The following SUFU variants were observed in gnomAD, a reference collection of about 807,000 sequenced individuals.
SUFU encodes the protein suppressor of fused homolog.
A neutral mutation model predicts 58.9 loss-of-function variants in SUFU; 7 were observed. That is an observed-to-expected ratio of 0.12 (90% CI 0.07 to 0.22). The LOEUF is 0.22. Among genes scored for constraint, SUFU ranks in the 10% least tolerant of loss-of-function variants. The pLI is 1.00. For missense variants in SUFU, 451 were observed against 641.3 expected (o/e 0.70, Z 3.20); for synonymous variants, 232 against 254.8 (o/e 0.91, Z 0.85).
At chr10:102,609,553 A>G (rs757185982) in intron 8 of SUFU, among the ~76,000 whole-genome samples, 40 of 152,390 alleles carry the variant, frequency 2.6e-4, no homozygotes, top group Non-Finnish European at 4.7e-4. Flanking sequence ...GAGCAAGAAG[A>G]AGAAAACCTA....
chr10:102,559,986 G>A (rs1163589833), intron 3 of SUFU, among the ~76,000 whole-genome samples: 4 of 152,158 alleles, frequency 2.6e-5, no homozygotes, highest in African/African-American at 4.8e-5. Flanking sequence ...TCTGAGTGCT[G>A]GGATGGCACT....
intron 3 of SUFU, among the ~76,000 whole-genome samples, chr10:102,562,189 A>G (rs2063044398): frequency 6.6e-6 from 1 of 152,156 alleles, no homozygotes. Context: ...AAAAGTTAAC[A>G]GATGTGATTC....
At position 102,617,670 on chromosome 10, in the gene SUFU, T is replaced by C; in HGVS notation, c.1296+242T>C. The C allele has an allele frequency of 3.2e-6, 2 of 617,180 alleles. No homozygotes were observed. Among genetic ancestry groups the C allele is most frequent in the Non-Finnish European group, 5.9e-6 (2 of 341,214 alleles). The allele number at this position is 617,180 out of a possible 1,614,324, so 38.2% of individuals were successfully genotyped here. On this transcript the variant is annotated intron_variant, in intron 10 of 11. Coordinates refer to ENST00000369902, the MANE Select transcript of SUFU (RefSeq NM_016169.4). The surrounding 1 kb of genome is among the most constrained non-coding windows in gnomAD (Gnocchi z 4.4). ...TCACCTGAGACACAAGTGTTAACTC[T>C]CCAGGCCCTGGCTCTTGGTAATTCT...
intron 3 of SUFU, among the ~76,000 whole-genome samples, chr10:102,586,786 T>C (rs751867166): frequency 6.6e-6 from 1 of 152,222 alleles, no homozygotes; most frequent in Non-Finnish European, 1.5e-5. Flanking sequence ...TTTGCAGACA[T>C]TACCACCATC....
In SUFU at chr10:102,594,038, C is replaced by T. The variant is rs1328936823; in HGVS notation, c.729C>T (p.Thr243=). 6.2e-7 allele frequency: 1 copy of T among 1,614,054 alleles called. No homozygotes were observed. Among genetic ancestry groups the T allele is most frequent in the Non-Finnish European group, 8.5e-7 (1 of 1,180,002 alleles). Residue 243 remains threonine (T), a synonymous_variant, in exon 6 of 12, where the codon ACC becomes ACT. Transcript: ENST00000369902. ...WLITDMRRGE[T]IFEIDPHLQE... is the part of the protein sequence containing the mutation. ...TAACTGACATGCGGAGGGGAGAGAC[C>T]ATATTTGAGATCGATCCACACCTGC...
intron 3 of SUFU, among the ~76,000 whole-genome samples, chr10:102,570,159 C>G (rs968043711): frequency 6.6e-6 from 1 of 151,972 alleles, no homozygotes; most frequent in Non-Finnish European, 1.5e-5. Context: ...CTGGCCCAGG[C>G]GCTTGTAGAG....
At chr10:102,538,733 C>G (rs920718841) in intron 2 of SUFU, among the ~76,000 whole-genome samples, 1 of 152,032 alleles carries the variant, frequency 6.6e-6, no homozygotes, top group Non-Finnish European at 1.5e-5. Context: ...TCATCACCAC[C>G]CAAAGTTCAT....
intron 8 of SUFU, among the ~76,000 whole-genome samples, chr10:102,600,384 A>G (rs533690227): frequency 8.5e-5 from 13 of 152,152 alleles, no homozygotes; most frequent in Admixed American, 2.0e-4. Context: ...TTTATTACAC[A>G]TTTGCTGTCT....
intron 8 of SUFU, among the ~76,000 whole-genome samples, chr10:102,611,284 C>T (rs2063619690): frequency 6.6e-6 from 1 of 152,204 alleles, no homozygotes; most frequent in Non-Finnish European, 1.5e-5. Flanking sequence ...TCGCTCTGGG[C>T]AACTTGAAGA....
At chr10:102,539,499 A>C (rs1463049950) in intron 2 of SUFU, among the ~76,000 whole-genome samples, 1 of 152,216 alleles carries the variant, frequency 6.6e-6, no homozygotes, top group Non-Finnish European at 1.5e-5. Context: ...TCCATTAATA[A>C]TTAATAAGTA....
chr10:102,533,633 G>A (rs758753897), intron 2 of SUFU, among the ~76,000 whole-genome samples: 14 of 152,014 alleles, frequency 9.2e-5, no homozygotes, highest in Admixed American at 3.9e-4. Flanking sequence ...GCTTCTAGAG[G>A]CCATGTCCAT....
chr10:102,549,900 T>G (rs2062894222), intron 2 of SUFU, 70 bp from the exon 3 acceptor site: 2 of 1,601,866 alleles, frequency 1.2e-6, no homozygotes. Flanking sequence ...GGGGGAGAAC[T>G]TTAGACTTTC....
intron 1 of SUFU, among the ~76,000 whole-genome samples, chr10:102,505,674 C>T (rs1461929440): frequency 6.6e-6 from 1 of 152,156 alleles, no homozygotes; most frequent in Non-Finnish European, 1.5e-5. Context: ...GGGGACCAGC[C>T]ACCTGCTGTC....
In SUFU at chr10:102,503,993, C is replaced by A. The variant is rs901040439; in HGVS notation, c.-160C>A. 16 of 1,084,056 alleles carry A rather than the reference C, an allele frequency of 1.5e-5. No individual in the cohort carries two copies. The highest frequency in any genetic ancestry group is 1.8e-5 in the Non-Finnish European group (15 of 811,576). 67.2% of individuals were successfully genotyped at this position (1,084,056 alleles called of 1,614,324 possible). A position where few individuals can be genotyped will look rare whatever the true frequency, so the allele number is the denominator to read the frequency against. ...TGGCAGACTCGGCGGCGGCGACAGCCTGGGCGGACAGTGCGCCGTGCGCAG... is the reference window on the plus strand; with the variant it reads ...TGGCAGACTCGGCGGCGGCGACAGCATGGGCGGACAGTGCGCCGTGCGCAG... On this transcript the variant is annotated 5_prime_UTR_variant, in exon 1 of 12. In the 5' UTR this introduces an upstream ATG that the reference lacks. Coordinates refer to ENST00000369902, the MANE Select transcript of SUFU (RefSeq NM_016169.4).
chr10:102,603,614 T>G (rs1418746370), intron 8 of SUFU, among the ~76,000 whole-genome samples: 1 of 152,102 alleles, frequency 6.6e-6, no homozygotes, highest in Non-Finnish European at 1.5e-5. Context: ...ACCAGCAGCT[T>G]TTAAGACCTT....
chr10:102,557,107 G>A (rs181869362), intron 3 of SUFU, among the ~76,000 whole-genome samples: 2 of 152,034 alleles, frequency 1.3e-5, no homozygotes, highest in Admixed American at 1.3e-4. Flanking sequence ...GCTTGATGTG[G>A]TGGTATGCAC....
chr10:102,557,974 C>G (rs1372433291), intron 3 of SUFU, among the ~76,000 whole-genome samples: 10 of 151,682 alleles, frequency 6.6e-5, no homozygotes, highest in Non-Finnish European at 4.4e-5. Context: ...AATTCCAGCT[C>G]ACTGCACCTC....
In SUFU at chr10:102,550,124, G is replaced by C; in HGVS notation, c.454+18G>C. The C allele has an allele frequency of 6.2e-7, 1 of 1,614,042 alleles. No individual in the cohort carries two copies. The highest frequency in any genetic ancestry group is 1.7e-4 in the Middle Eastern group (1 of 6,060). The stretch of plus-strand genomic sequence containing the variant: ...CCAGTCAGGTAGGAGGCCAGGGCTG[G>C]CTGCTGTGCTGGTCCTTTTGCCATG... On this transcript the variant is annotated intron_variant, in intron 3 of 11. Coordinates refer to ENST00000369902, the MANE Select transcript of SUFU (RefSeq NM_016169.4).
intron 2 of SUFU, among the ~76,000 whole-genome samples, chr10:102,538,272 C>T (rs955934477): frequency 1.3e-5 from 2 of 152,040 alleles, no homozygotes; most frequent in Admixed American, 6.6e-5. Flanking sequence ...CATATAATAC[C>T]GCTACTTGTA....
Sources: gnomAD v4.1 joint callset for allele counts (sites outside exome capture counted in the v4.1 genomes callset) on GRCh38, gnomAD v4.1.1 for gene constraint, Gnocchi (gnomAD v3.1) non-coding constraint, MANE v1.5 for transcripts, NCBI Gene and HGNC (gene_info 2026-07-23, HGNC 2026-07-21) for gene names.